SSH2: variants seen among roughly 807,000 people sequenced by gnomAD.
SSH2 encodes slingshot protein phosphatase 2.
SSH2 carries 37 observed loss-of-function variants against 135.2 expected under a neutral mutation model. The observed-to-expected ratio is 0.27, with a 90% CI of 0.21 to 0.36. SSH2 has a LOEUF of 0.36. Ranked by LOEUF, SSH2 falls within the 10% of genes least tolerant of loss-of-function variation. The pLI is 1.00. For missense variants in SSH2, 1,408 were observed against 1,765.3 expected (o/e 0.80, Z 3.63); for synonymous variants, 628 against 646.2 (o/e 0.97, Z 0.43).
intron 3 of SSH2, chr17:29,716,659 G>A: frequency 3.1e-6 from 2 of 649,710 alleles, no homozygotes; most frequent in Non-Finnish European, 5.8e-6. Flanking sequence ...TATATCGGGT[G>A]CCTCTCCTCT....
At chr17:29,899,157 C>T (rs1378425124) in intron 1 of SSH2, among the ~76,000 whole-genome samples, 2 of 151,878 alleles carry the variant, frequency 1.3e-5, no homozygotes, top group Non-Finnish European at 2.9e-5. Context: ...CTATGACAAA[C>T]CCACAGCCAA....
At chr17:29,695,048 T>C (rs1215478755) in intron 5 of SSH2, among the ~76,000 whole-genome samples, 1 of 152,214 alleles carries the variant, frequency 6.6e-6, no homozygotes, top group Non-Finnish European at 1.5e-5. Context: ...CTCCTGAGTC[T>C]GAAGCCAGCA....
chr17:29,715,921 T>G (rs1212997715), intron 3 of SSH2, among the ~76,000 whole-genome samples: 1 of 152,186 alleles, frequency 6.6e-6, no homozygotes, highest in Non-Finnish European at 1.5e-5. Flanking sequence ...TTTCCACTGT[T>G]ATTCCAAACC....
intron 6 of SSH2, among the ~76,000 whole-genome samples, chr17:29,684,223 T>C (rs1368413215): frequency 1.3e-5 from 2 of 152,164 alleles, no homozygotes; most frequent in Non-Finnish European, 2.9e-5. Context: ...GGCTCACGCC[T>C]GTAATCTCAG....
chr17:29,636,617 A>G lies in SSH2; in HGVS notation c.1613T>C (p.Met538Thr). ...PPIPPVFVEH[M>T]VPQDANQKGL... ...TTTCTGATTTGCATCTTGTGGGACC[A>G]TATGTTCCACAAAGACAGGAGGTAT... The change falls in exon 15 of 16, where the codon ATG becomes ACG. Residue 538 changes from methionine (M) to threonine (T), a missense_variant. Around this residue, in one of 3 missense-constraint regions of SSH2, gnomAD observed 1,080 missense variants for 1,144.5 expected, o/e 0.94. Coordinates refer to ENST00000540801, the MANE Select transcript of SSH2 (RefSeq NM_001282129.2). 2 of 1,614,148 alleles carry G rather than the reference A, an allele frequency of 1.2e-6. No homozygotes were observed. The highest frequency in any genetic ancestry group is 1.7e-6 in the Non-Finnish European group (2 of 1,180,028).
chr17:29,813,855 G>C (rs1453532599), intron 2 of SSH2, among the ~76,000 whole-genome samples: 1 of 151,184 alleles, frequency 6.6e-6, no homozygotes, highest in East Asian at 1.9e-4. Flanking sequence ...AAAAAGGCTG[G>C]GCTTGGTGGC....
chr17:29,711,911 G>A (rs907205361), intron 3 of SSH2, among the ~76,000 whole-genome samples: 4 of 152,126 alleles, frequency 2.6e-5, no homozygotes, highest in Non-Finnish European at 5.9e-5. Flanking sequence ...GACAGGTCTC[G>A]GTCAATTTAG....
At chr17:29,861,093 C>T (rs1842026) in intron 1 of SSH2, among the ~76,000 whole-genome samples, 63,219 of 151,744 alleles carry the variant, frequency 0.42, 15,134 homozygotes, top group East Asian at 0.69. Context: ...TCTTGTATAT[C>T]TGTTTAAGTT....
chr17:29,686,364 GT>G lies in SSH2; in HGVS notation c.358-1681del, dbSNP rs570290824. ...TGTTAATAATAGTTTTAAAATGACAGTTTTTTTTTTTTTAAGAGACGGAGTC... is the reference window on the plus strand; with the variant it reads ...TGTTAATAATAGTTTTAAAATGACAGTTTTTTTTTTTTAAGAGACGGAGTC... On this transcript the variant is annotated intron_variant, in intron 5 of 15. Transcript: ENST00000540801. 3.5e-3 allele frequency among the ~76,000 whole-genome samples: 499 copies of G among 143,338 alleles called. 1 individual carries two copies. Among genetic ancestry groups the G allele is most frequent in the Middle Eastern group, 0.014 (4 of 278 alleles). 94.0% of individuals were successfully genotyped at this position (143,338 alleles called of 152,430 possible).
chr17:29,724,581 CTTTTTTTTT>C (rs560435177), intron 3 of SSH2, among the ~76,000 whole-genome samples: 8 of 76,550 alleles, frequency 1.0e-4, no homozygotes, highest in East Asian at 7.4e-4. Context: ...ATTACCAAAT[CTTTTTTTTT>C]TTTTTTTTTT....
At chr17:29,905,169 A>C (rs555473571) in intron 1 of SSH2, among the ~76,000 whole-genome samples, 1 of 152,366 alleles carries the variant, frequency 6.6e-6, no homozygotes, top group South Asian at 2.1e-4. Context: ...GAACCAAAAA[A>C]GAGCCTGAAT....
At chr17:29,700,377 G>GT (rs2151117460) in intron 4 of SSH2, among the ~76,000 whole-genome samples, 1 of 152,232 alleles carries the variant, frequency 6.6e-6, no homozygotes, top group African/African-American at 2.4e-5. Context: ...TTCTTAAACT[G>GT]TGGATATCCT....
rs182577269 is a variant in SSH2 at position 29,770,110 on chromosome 17, T to G, written c.188+23784A>C. On this transcript the variant is annotated intron_variant, in intron 3 of 15. Transcript: ENST00000540801. The stretch of plus-strand genomic sequence containing the variant: ...ATATTTAGTTTTTTTTTTTTTTTTT[T>G]TTTTTTTTTAACAGAGTCTCACTCC... Among the ~76,000 whole-genome samples the G allele has an allele frequency of 1.8e-3, 265 of 149,430 alleles. 3 individuals are homozygous for G. Among genetic ancestry groups the G allele is most frequent in the African/African-American group, 6.3e-3 (255 of 40,790 alleles).
chr17:29,923,593 C>G (rs1055768347), intron 1 of SSH2, among the ~76,000 whole-genome samples: 1 of 150,970 alleles, frequency 6.6e-6, no homozygotes, highest in African/African-American at 2.4e-5. Flanking sequence ...ACACTCCAGC[C>G]TGGGCAACAG....
chr17:29,822,162 C>G (rs1472365867), intron 2 of SSH2, among the ~76,000 whole-genome samples: 1 of 152,148 alleles, frequency 6.6e-6, no homozygotes, highest in East Asian at 1.9e-4. Flanking sequence ...TGTACACAAG[C>G]CCATCCCCTT....
In SSH2 at chr17:29,677,701, C is replaced by T. The variant is rs750240046; in HGVS notation, c.520G>A (p.Asp174Asn). ...TCACCATCCAAATGAATTAGCGTGT[C>T]GCTCCAGAGAGGCAAAACTAAGCCC... is the stretch of plus-strand genomic sequence containing the variant. ...TMGLVLPLWS[D>N]TLIHLDGDGG... The change falls in exon 7 of 16, where the codon GAC (aspartate) becomes AAC (asparagine). Residue 174 changes from aspartate to asparagine, a missense_variant. This residue lies in a region of SSH2 where 222 missense variants were observed against 355.6 expected (regional missense o/e 0.62). Coordinates refer to ENST00000540801, the MANE Select transcript of SSH2 (RefSeq NM_001282129.2). 5 of 1,614,046 alleles carry T rather than the reference C, an allele frequency of 3.1e-6. No homozygotes were observed. The highest frequency in any genetic ancestry group is 4.2e-6 in the Non-Finnish European group (5 of 1,179,954).
At chr17:29,720,422 A>G (rs2039782655) in intron 3 of SSH2, among the ~76,000 whole-genome samples, 1 of 152,218 alleles carries the variant, frequency 6.6e-6, no homozygotes, top group African/African-American at 2.4e-5. Context: ...AACATAAAAA[A>G]TATATTGCCA....
intron 5 of SSH2, among the ~76,000 whole-genome samples, chr17:29,691,075 AC>A (rs2038452884): frequency 6.6e-6 from 1 of 151,870 alleles, no homozygotes; most frequent in Non-Finnish European, 1.5e-5. Flanking sequence ...TTTTATTTAT[AC>A]CTTTTTGCAT....
intron 3 of SSH2, among the ~76,000 whole-genome samples, chr17:29,741,522 T>C (rs1253240195): frequency 1.3e-5 from 2 of 151,794 alleles, no homozygotes; most frequent in Non-Finnish European, 2.9e-5. Flanking sequence ...ATGAAAGAAA[T>C]GCATTTGGGG....
Sources: gnomAD v4.1 joint callset for allele counts (sites outside exome capture counted in the v4.1 genomes callset) on GRCh38, gnomAD v4.1.1 for gene constraint, gnomAD v4.1.1 regional missense constraint, MANE v1.5 for transcripts, NCBI Gene and HGNC (gene_info 2026-07-23, HGNC 2026-07-21) for gene names.